The following APPBP2 variants were observed in gnomAD, a reference collection of about 807,000 sequenced individuals.
The protein encoded by APPBP2 is amyloid protein-binding protein 2.
Under a neutral mutation model 76.0 loss-of-function variants are expected in APPBP2, and 15 were observed. The ratio of observed to expected loss-of-function variants is 0.20; its 90% CI spans 0.13 to 0.30. The LOEUF is 0.30. Ranked by LOEUF, APPBP2 falls within the 10% of genes least tolerant of loss-of-function variation. APPBP2 has a pLI of 1.00. For synonymous variants in APPBP2, 222 were observed against 242.2 expected (o/e 0.92, Z 0.77); for missense variants, 401 against 687.2 (o/e 0.58, Z 4.66).
intron 3 of APPBP2, among the ~76,000 whole-genome samples, chr17:60,490,590 G>T (rs1400189141): frequency 6.6e-6 from 1 of 152,136 alleles, no homozygotes; most frequent in Non-Finnish European, 1.5e-5. Context: ...GACTGCTTGA[G>T]CCCAAGTTTG....
chr17:60,506,373 C>T (rs1449655976), intron 1 of APPBP2, among the ~76,000 whole-genome samples: 1 of 152,186 alleles, frequency 6.6e-6, no homozygotes, highest in East Asian at 1.9e-4. Flanking sequence ...CCTTAGCTTT[C>T]TTTTGGCTCA....
chr17:60,502,079 G>A (rs901896026), intron 1 of APPBP2, among the ~76,000 whole-genome samples: 1 of 151,904 alleles, frequency 6.6e-6, no homozygotes, highest in Non-Finnish European at 1.5e-5. Context: ...ATTTTTTAAT[G>A]GTCTTACTCT....
intron 1 of APPBP2, among the ~76,000 whole-genome samples, chr17:60,514,177 A>G (rs965029275): frequency 4.6e-5 from 7 of 152,002 alleles, no homozygotes; most frequent in African/African-American, 1.2e-4. Context: ...CATGCAGTAC[A>G]CACCTGTAAG....
chr17:60,460,456 C>A, intron 9 of APPBP2: 1 of 334,844 alleles, frequency 3.0e-6, no homozygotes, highest in South Asian at 6.5e-5. Context: ...GGATTACAGG[C>A]GGGAGCCTCT....
chr17:60,487,342 G>A (rs544488682), intron 3 of APPBP2, among the ~76,000 whole-genome samples: 2 of 152,266 alleles, frequency 1.3e-5, no homozygotes, highest in Non-Finnish European at 2.9e-5. Flanking sequence ...ATCAAACGTA[G>A]ATTTGGTATT....
In APPBP2 at chr17:60,467,703, G is replaced by C. The variant is rs191170719; in HGVS notation, c.504-1244C>G. Among the ~76,000 whole-genome samples, 56 of 152,326 alleles carry C rather than the reference G, an allele frequency of 3.7e-4. No homozygotes were observed. The East Asian group carries it at 7.7e-3, about 21-fold the overall frequency. Reference sequence around the variant, plus strand: ...ATTCTGAAAGGAGGTATTTAGGGTAGACAGGGAAGAATCCTCCTGAGGTAG... The same window carrying C: ...ATTCTGAAAGGAGGTATTTAGGGTACACAGGGAAGAATCCTCCTGAGGTAG... On this transcript the variant is annotated intron_variant, in intron 4 of 12. Coordinates refer to ENST00000083182, the MANE Select transcript of APPBP2 (RefSeq NM_006380.5).
chr17:60,470,552 C>T (rs923265481), intron 4 of APPBP2, among the ~76,000 whole-genome samples: 4 of 152,072 alleles, frequency 2.6e-5, no homozygotes, highest in African/African-American at 9.7e-5. Context: ...AGGTGTGAGC[C>T]ACCATGCCCA....
intron 4 of APPBP2, among the ~76,000 whole-genome samples, chr17:60,474,669 C>G (rs1036029031): frequency 2.0e-5 from 3 of 152,186 alleles, no homozygotes. Flanking sequence ...ATTAGGAACA[C>G]TAAACCTGTA....
At chr17:60,525,716 G>C in intron 1 of APPBP2, 78 bp downstream of exon 1, 1 of 1,595,446 alleles carries the variant, frequency 6.3e-7, no homozygotes, top group Non-Finnish European at 8.5e-7. Flanking sequence ...GGTTAACTGC[G>C]GGGGTTCGCA....
Position 60,526,169 on chromosome 17 carries a change from G to C in APPBP2, c.-238C>G, listed in dbSNP as rs1317073746. ...AACAGCGGCCAGCCAGGCCAAAAGC[G>C]TCACAATCCCGGTTCGAGAGGAACC... is the stretch of plus-strand genomic sequence containing the variant. On this transcript the variant is annotated 5_prime_UTR_variant, in exon 1 of 13. Transcript: ENST00000083182. 2 of 525,736 alleles carry C rather than the reference G, an allele frequency of 3.8e-6. No individual in the cohort carries two copies. The highest frequency in any genetic ancestry group is 3.4e-5 in the East Asian group (1 of 29,400). The allele number at this position is 525,736 out of a possible 1,614,324, so 32.6% of individuals were successfully genotyped here. A position where few individuals can be genotyped will look rare whatever the true frequency, so the allele number is the denominator to read the frequency against.
intron 4 of APPBP2, among the ~76,000 whole-genome samples, chr17:60,475,277 T>C (rs139616922): frequency 7.8e-4 from 118 of 152,088 alleles, no homozygotes; most frequent in African/African-American, 2.8e-3. Context: ...TAACATGACA[T>C]GACATAACAT....
intron 11 of APPBP2, among the ~76,000 whole-genome samples, chr17:60,453,081 T>C (rs555087164): frequency 7.2e-5 from 11 of 152,338 alleles, no homozygotes; most frequent in African/African-American, 9.6e-5. Context: ...ACTTAGTATA[T>C]ACTAAGAATT....
intron 1 of APPBP2, among the ~76,000 whole-genome samples, chr17:60,515,662 A>G (rs1213095563): frequency 3.9e-5 from 6 of 152,208 alleles, no homozygotes; most frequent in African/African-American, 1.4e-4. Flanking sequence ...ATGAGATCAT[A>G]TATTATACAT....
rs540765349 is a variant in APPBP2, at chr17:60,468,881, TATTC to T, written c.504-2426_504-2423del. On this transcript the variant is annotated intron_variant, in intron 4 of 12. Coordinates refer to ENST00000083182, the MANE Select transcript of APPBP2 (RefSeq NM_006380.5). Reference sequence around the variant, plus strand: ...AAGAACAATTACTATTTGATTGAACTATTCATTGTTTAAAATGAAAAATATACAA... The same window carrying T: ...AAGAACAATTACTATTTGATTGAACTATTGTTTAAAATGAAAAATATACAA... 2.4e-3 allele frequency among the ~76,000 whole-genome samples: 372 copies of T among 152,358 alleles called. 2 individuals are homozygous for T. Among genetic ancestry groups the T allele is most frequent in the African/African-American group, 8.4e-3 (348 of 41,576 alleles).
intron 3 of APPBP2, among the ~76,000 whole-genome samples, chr17:60,486,763 T>C (rs1222794222): frequency 6.6e-6 from 1 of 152,180 alleles, no homozygotes; most frequent in East Asian, 1.9e-4. Context: ...TTTTGGCCAT[T>C]AGTTGATGCA....
At chr17:60,494,984 G>GTTTTTTT (rs60043373) in intron 2 of APPBP2, among the ~76,000 whole-genome samples, 14 of 107,032 alleles carry the variant, frequency 1.3e-4, no homozygotes, top group Admixed American at 3.7e-4. Context: ...GTTTTGTTTT[G>GTTTTTTT]TTTTTTTTTT....
intron 4 of APPBP2, among the ~76,000 whole-genome samples, chr17:60,472,680 G>A (rs952320028): frequency 1.3e-5 from 2 of 152,192 alleles, no homozygotes; most frequent in Admixed American, 6.6e-5. Context: ...TACAAGCACT[G>A]GAGAGCTAGC....
chr17:60,493,024 A>G (rs766857144), intron 3 of APPBP2, among the ~76,000 whole-genome samples: 2 of 152,186 alleles, frequency 1.3e-5, no homozygotes, highest in Non-Finnish European at 2.9e-5. Flanking sequence ...CCGGTTCCCC[A>G]ACACTGTTTT....
At chr17:60,517,090 C>T (rs1598377007) in intron 1 of APPBP2, among the ~76,000 whole-genome samples, 1 of 152,240 alleles carries the variant, frequency 6.6e-6, no homozygotes, top group African/African-American at 2.4e-5. Context: ...ATTCTCCTGC[C>T]TCAGACTCCC....
Sources: allele counts gnomAD v4.1 joint callset (sites outside exome capture counted in the v4.1 genomes callset), GRCh38; gene constraint gnomAD v4.1.1; transcripts MANE v1.5; gene names NCBI Gene and HGNC (gene_info 2026-07-23, HGNC 2026-07-21).